The following CUZD1 variants were observed in gnomAD, a reference collection of about 807,000 sequenced individuals.
CUZD1 encodes CUB and zona pellucida like domains 1.
CUZD1 carries 42 observed loss-of-function variants against 53.1 expected under a neutral mutation model. The ratio of observed to expected loss-of-function variants is 0.79; its 90% confidence interval spans 0.62 to 1.02. The LOEUF is 1.02. Among genes scored for constraint, CUZD1 ranks in the 50% least tolerant of loss-of-function variants. The pLI is 0.00. For synonymous variants in CUZD1, 238 were observed against 257.2 expected, an observed-to-expected ratio of 0.93 and a Z score of 0.71; for missense variants, 670 against 715.7, an observed-to-expected ratio of 0.94 and a Z score of 0.73.
intron 3 of CUZD1, chr10:122,837,858 C>T (rs978096401): frequency 1.8e-5 from 4 of 228,352 alleles, no homozygotes; most frequent in Non-Finnish European, 3.4e-5. Context: ...AAGTCACACC[C>T]TCCCTTGAAG....
rs189692031 is a variant in CUZD1, at chr10:122,836,620, A to G, written c.817+211T>C. ...GGAAACAGTCCATATTATCTGCATA[A>G]ATCTTTTTCAGGTTAATAAAATCAT... On this transcript the variant is annotated intron_variant, in intron 5 of 8. Transcript: ENST00000392790. Among the ~76,000 whole-genome samples, 6 of 152,288 alleles carry G rather than the reference A, an allele frequency of 3.9e-5. No individual in the cohort carries two copies. In the East Asian group the frequency reaches 1.2e-3, roughly 29 times the overall value.
At chr10:122,841,456 T>C in intron 1 of CUZD1, 128 bp from the exon 2 acceptor site, 1 of 883,880 alleles carries the variant, frequency 1.1e-6, no homozygotes, top group Non-Finnish European at 1.6e-6. Flanking sequence ...GGTACTTAGC[T>C]TTCTCCAAAG....
Position 122,835,602 on chromosome 10 carries a change from C to A in CUZD1, c.991-505G>T, listed in dbSNP as rs1490758981. Among the ~76,000 whole-genome samples the A allele has an allele frequency of 2.6e-5, 4 of 152,034 alleles. No homozygotes were observed. The East Asian group carries it at 5.8e-4, about 22-fold the overall frequency. ...TCTTTATCAATTCCTCTGGATTAACCCCCATTCTTTTCAATTAGGTTACTG... is the reference window on the plus strand; with the variant it reads ...TCTTTATCAATTCCTCTGGATTAACACCCATTCTTTTCAATTAGGTTACTG... On this transcript the variant is annotated intron_variant, in intron 6 of 8. Coordinates refer to ENST00000392790, the MANE Select transcript of CUZD1 (RefSeq NM_022034.6).
chr10:122,834,339 C>T (rs771116099), intron 7 of CUZD1, among the ~76,000 whole-genome samples: 70 of 152,038 alleles, frequency 4.6e-4, no homozygotes, highest in Non-Finnish European at 4.3e-4. Context: ...TTACTGATGG[C>T]GTTATATTTT....
At position 122,837,444 on chromosome 10, in the gene CUZD1, C is replaced by T; in HGVS notation, c.559G>A (p.Glu187Lys). ...LAYCVWHIQV[E>K]KDYKIKLNFK... ...TTTAGTTTTATCTTGTAATCTTTCT[C>T]CACTTGTATGTGCCACACACAATAA... The change falls in exon 4 of 9, where the codon GAG becomes AAG. Residue 187 changes from glutamate (E) to lysine (K), a missense_variant. Physicochemically the swap from Glu to Lys is moderately conservative, Grantham distance 56 (BLOSUM62 1). Coordinates refer to ENST00000392790, the MANE Select transcript of CUZD1 (RefSeq NM_022034.6). The T allele has an allele frequency of 1.9e-6, 3 of 1,614,100 alleles. No homozygotes were observed. The highest frequency in any genetic ancestry group is 1.3e-5 in the African/African-American group (1 of 75,046).
Position 122,837,571 on chromosome 10 carries a change from G to A in CUZD1, c.449-17C>T. ...TTGGAATAGCTGAAATGGATGTGAA[G>A]GTGGTCAAGAATGAACATCAAAATA... On this transcript the variant is annotated splice_polypyrimidine_tract_variant and intron_variant, in intron 3 of 8. Coordinates refer to ENST00000392790, the MANE Select transcript of CUZD1 (RefSeq NM_022034.6). The A allele has an allele frequency of 5.8e-6, 9 of 1,542,120 alleles. No individual in the cohort carries two copies. Among genetic ancestry groups the A allele is most frequent in the Non-Finnish European group, 7.8e-6 (9 of 1,149,860 alleles).
rs527426898 is a variant in CUZD1, at chr10:122,842,573, A to T, written c.83-1245T>A. ...TCCAACTTTACTGTTCTTTTGCAAA[A>T]TTTTTTTGGCTATTCCAGTTCCTTT... is the stretch of plus-strand genomic sequence containing the variant. On this transcript the variant is annotated intron_variant, in intron 1 of 8. Coordinates refer to ENST00000392790, the MANE Select transcript of CUZD1 (RefSeq NM_022034.6). Among the ~76,000 whole-genome samples the T allele has an allele frequency of 1.5e-4, 23 of 152,158 alleles. 1 individual carries two copies. The highest frequency in any genetic ancestry group is 5.1e-4 in the African/African-American group (21 of 41,494).
rs1296586957 is a variant in CUZD1, at chr10:122,834,891, A to C, written c.1197T>G (p.Leu399=). ...TCTTTTCAAATGAATTGGATTCAAA[A>C]AGAGCCATGCTGGTGTTATATTTGC... ...ALGKYNTSMA[L]FESNSFEKTI... is the part of the protein sequence containing the mutation. The change falls in exon 7 of 9, where the codon CTT becomes CTG. Residue 399 remains leucine, a synonymous_variant. Transcript: ENST00000392790. The C allele has an allele frequency of 2.5e-6, 4 of 1,613,662 alleles. No homozygotes were observed. The African/African-American group carries it at 5.3e-5, about 22-fold the overall frequency.
At position 122,834,877 on chromosome 10, in the gene CUZD1, G is replaced by A. The variant is rs1403383096; in HGVS notation, c.1211C>T (p.Ser404Leu). The A allele has an allele frequency of 2.5e-6, 4 of 1,613,642 alleles. No individual in the cohort carries two copies. In the East Asian group the frequency reaches 6.7e-5, roughly 27 times the overall value. ...TGATTCAAGTATAGTCTTTTCAAAT[G>A]AATTGGATTCAAAAAGAGCCATGCT... The part of the protein sequence containing the change: ...NTSMALFESN[S>L]FEKTILESPY... The change falls in exon 7 of 9, where the codon TCA (serine) becomes TTA (leucine). Residue 404 changes from serine (S) to leucine (L), a missense_variant. By Grantham distance (145) the Ser-to-Leu change is moderately radical. Coordinates refer to ENST00000392790, the MANE Select transcript of CUZD1 (RefSeq NM_022034.6).
rs529070865 is a variant in CUZD1, at chr10:122,837,835, G to A, written c.449-281C>T. The A allele has an allele frequency of 6.1e-4, 169 of 277,150 alleles. 1 individual carries two copies. In the South Asian group the frequency reaches 0.018, roughly 29 times the overall value. 17.2% of individuals were successfully genotyped at this position (277,150 alleles called of 1,614,324 possible). On this transcript the variant is annotated intron_variant, in intron 3 of 8. Coordinates refer to ENST00000392790, the MANE Select transcript of CUZD1 (RefSeq NM_022034.6). Reference sequence around the variant, plus strand: ...GAGAGACTCCCATTACCTGAATTGCGCCATAGAAAATAAAGTCACACCCTC... The same window carrying A: ...GAGAGACTCCCATTACCTGAATTGCACCATAGAAAATAAAGTCACACCCTC...
Position 122,843,810 on chromosome 10 carries a change from C to CATATATATATATATATAT in CUZD1, c.82+1934_82+1951dup, listed in dbSNP as rs61634361. On this transcript the variant is annotated intron_variant, in intron 1 of 8. Transcript: ENST00000392790. Reference sequence around the variant, plus strand: ...CTTTCTTCATACATATATATACATACATATATATATATATATATATATGTC... The same window carrying CATATATATATATATATAT: ...CTTTCTTCATACATATATATACATACATATATATATATATATATATATATATATATATATATATATGTC... 4.2e-3 allele frequency among the ~76,000 whole-genome samples: 575 copies of CATATATATATATATATAT among 137,262 alleles called. 4 individuals are homozygous for CATATATATATATATATAT. The highest frequency in any genetic ancestry group is 0.015 in the African/African-American group (554 of 36,170). The allele number at this position is 137,262 out of a possible 152,430, so 90.0% of individuals were successfully genotyped here.
intron 7 of CUZD1, 81 bp downstream of exon 7, chr10:122,834,625 A>G (rs1235957267): frequency 5.7e-6 from 7 of 1,234,960 alleles, no homozygotes; most frequent in Non-Finnish European, 7.7e-6. Context: ...GTATATATAC[A>G]CAACACAAAA....
chr10:122,837,690 A>C (rs1286338511), intron 3 of CUZD1, 136 bp from the exon 4 acceptor site: 3 of 832,910 alleles, frequency 3.6e-6, no homozygotes, highest in Non-Finnish European at 5.3e-6. Flanking sequence ...TCACATATTG[A>C]GGTTTTCATC....
chr10:122,835,657 T>C (rs1847237876), intron 6 of CUZD1, among the ~76,000 whole-genome samples: 1 of 152,210 alleles, frequency 6.6e-6, no homozygotes, highest in Non-Finnish European at 1.5e-5. Flanking sequence ...CTTTATAGTA[T>C]GTATCCTAAA....
chr10:122,836,954 C>T lies in CUZD1; in HGVS notation c.694G>A (p.Val232Met), dbSNP rs201852136. ...SGLIGQVCGR[V>M]TPTFESSSNS... ...GATGACGATTCGAAGGTGGGAGTCA[C>T]ACGGCCACAGACTTGTCCAATCAGG... Residue 232 changes from valine to methionine, a missense_variant, in exon 5 of 9, where the codon GTG (valine) becomes ATG (methionine). Physicochemically the swap from Val to Met is conservative, Grantham distance 21 (BLOSUM62 1). Transcript: ENST00000392790. The T allele has an allele frequency of 1.2e-6, 2 of 1,614,094 alleles. No homozygotes were observed. Among genetic ancestry groups the T allele is most frequent in the African/African-American group, 1.3e-5 (1 of 75,032 alleles).
At chr10:122,838,295 A>G (rs1847284238) in intron 3 of CUZD1, among the ~76,000 whole-genome samples, 1 of 152,302 alleles carries the variant, frequency 6.6e-6, no homozygotes, top group African/African-American at 2.4e-5. Flanking sequence ...GCTGGTACCA[A>G]GAAGTCAGTG....
At chr10:122,839,918 C>T (rs1193066118) in intron 2 of CUZD1, among the ~76,000 whole-genome samples, 1 of 152,222 alleles carries the variant, frequency 6.6e-6, no homozygotes, top group Non-Finnish European at 1.5e-5. Context: ...TTTAACCTTT[C>T]TTGGCTTCAG....
Position 122,836,919 on chromosome 10 carries a change from C to G in CUZD1, c.729G>C (p.Leu243=). 1 of 1,614,082 alleles carries G rather than the reference C, an allele frequency of 6.2e-7. No individual in the cohort carries two copies. Among genetic ancestry groups the G allele is most frequent in the Non-Finnish European group, 8.5e-7 (1 of 1,179,986 alleles). The change falls in exon 5 of 9, where the codon CTG becomes CTC. Residue 243 remains leucine (L), a synonymous_variant. Transcript: ENST00000392790. The part of the protein sequence containing the change: ...TPTFESSSNS[L]TVVLSTDYAN... ...CATAATCTGTAGACAACACGACAGT[C>G]AGAGAGTTTGATGACGATTCGAAGG...
rs1847340149 is a variant in CUZD1 at position 122,841,220 on chromosome 10, C to T, written c.191G>A (p.Arg64Lys). Residue 64 changes from arginine to lysine, a missense_variant, in exon 2 of 9, where the codon AGA becomes AAA. By Grantham distance (26) the Arg-to-Lys change is conservative. Transcript: ENST00000392790. ...PSENCTWTIE[R>K]PENKSIRIIF... ...AATTCTGATGCTTTTGTTTTCTGGT[C>T]TTTCTATTGTCCAGGTGCAGTTCTC... is the stretch of plus-strand genomic sequence containing the variant. 1 of 1,613,826 alleles carries T rather than the reference C, an allele frequency of 6.2e-7. No homozygotes were observed. Among genetic ancestry groups the T allele is most frequent in the Non-Finnish European group, 8.5e-7 (1 of 1,179,870 alleles).
Sources: gnomAD v4.1 joint callset for allele counts (sites outside exome capture counted in the v4.1 genomes callset) on GRCh38, gnomAD v4.1.1 for gene constraint, MANE v1.5 for transcripts, NCBI Gene and HGNC (gene_info 2026-07-23, HGNC 2026-07-21) for gene names.